AKR1C2: variants seen among roughly 807,000 people sequenced by gnomAD.
The protein encoded by AKR1C2 is aldo-keto reductase family 1 member C2.
AKR1C2 carries 27 observed loss-of-function variants against 39.8 expected under a neutral mutation model. The ratio of observed to expected loss-of-function variants is 0.68; its 90% CI spans 0.50 to 0.93. AKR1C2 has a LOEUF of 0.93. Ranked by LOEUF, AKR1C2 falls within the 40% of genes least tolerant of loss-of-function variation. The probability of loss-of-function intolerance (pLI) is 0.00; values close to 1 mark genes in which losing one functional copy is unlikely to be tolerated. For missense variants in AKR1C2, 263 were observed against 365.1 expected, an observed-to-expected ratio of 0.72 and a Z score of 2.28; for synonymous variants, 114 against 137.9, an observed-to-expected ratio of 0.83 and a Z score of 1.22.
chr10:5,002,696 C>T lies in AKR1C2; in HGVS notation c.85-1015G>A, dbSNP rs188543734. Reference sequence around the variant, plus strand: ...CAAAAACAGAAACAAAGCAAACTATCTTCCCACCTTGAAAGTATTTCAGAG... The same window carrying T: ...CAAAAACAGAAACAAAGCAAACTATTTTCCCACCTTGAAAGTATTTCAGAG... On this transcript the variant is annotated intron_variant, in intron 1 of 8. Coordinates refer to ENST00000380753, the MANE Select transcript of AKR1C2 (RefSeq NM_001393392.1). 4.0e-3 allele frequency among the ~76,000 whole-genome samples: 607 copies of T among 152,300 alleles called. 3 individuals are homozygous for T. The highest frequency in any genetic ancestry group is 6.7e-3 in the Non-Finnish European group (457 of 68,024).
chr10:4,999,780 A>G (rs1384475920), intron 3 of AKR1C2: 2 of 255,376 alleles, frequency 7.8e-6, no homozygotes, highest in Non-Finnish European at 1.3e-5. Flanking sequence ...GGTAATGAAC[A>G]TGGGCCTGAC....
chr10:5,012,665 T>C lies in AKR1C2; in HGVS notation c.-88+5235A>G, dbSNP rs370885211. On this transcript the variant is annotated intron_variant, in intron 1 of 6. Transcript: ENST00000604507. ...CCTTGTGGACACCCTGACTTTAGCC[T>C]GTTGAACGAGATTTTGGAATTCTGA... is the stretch of plus-strand genomic sequence containing the variant. Among the ~76,000 whole-genome samples, 8 of 152,286 alleles carry C rather than the reference T, an allele frequency of 5.3e-5. No individual in the cohort carries two copies. In the South Asian group the frequency reaches 1.2e-3, roughly 24 times the overall value.
chr10:5,012,794 T>C (rs1837550689), intron 1 of AKR1C2, among the ~76,000 whole-genome samples: 1 of 152,188 alleles, frequency 6.6e-6, no homozygotes, highest in South Asian at 2.1e-4. Flanking sequence ...GATTCAGCAA[T>C]TCTCATCTCT....
At chr10:5,001,859 G>T (rs72769988) in intron 1 of AKR1C2, among the ~76,000 whole-genome samples, 178 bp from the exon 2 acceptor site, 1,704 of 152,304 alleles carry the variant, frequency 0.011, 24 homozygotes, top group Non-Finnish European at 0.015. Context: ...TAAAGGTTGG[G>T]CATAGCAGGA....
intron 5 of AKR1C2, 111 bp downstream of exon 5, chr10:4,998,514 T>C (rs1837139832): frequency 2.6e-6 from 4 of 1,540,650 alleles, no homozygotes; most frequent in Non-Finnish European, 3.5e-6. Flanking sequence ...CTTTGTTCTC[T>C]AGAATCTTCT....
At chr10:4,999,847 A>G (rs1360943568) in intron 3 of AKR1C2, 2 of 841,184 alleles carry the variant, frequency 2.4e-6, no homozygotes, top group African/African-American at 3.7e-5. Flanking sequence ...ATATTTAAAA[A>G]GCCTTTTGTA....
intron 8 of AKR1C2, among the ~76,000 whole-genome samples, chr10:4,990,928 C>A (rs1197210721): frequency 2.0e-5 from 3 of 151,184 alleles, no homozygotes; most frequent in Admixed American, 1.3e-4. Context: ...CTAATAATAT[C>A]CACCAAATTT....
Position 5,001,430 on chromosome 10 carries a change from A to T in AKR1C2, c.252+84T>A, listed in dbSNP as rs1342084736. On this transcript the variant is annotated intron_variant, in intron 2 of 8. Coordinates refer to ENST00000380753, the MANE Select transcript of AKR1C2 (RefSeq NM_001393392.1). ...AAATAAATAAGCACAATTCACCCTC[A>T]ACTATGGATCCAGTCATAGAACTGC... 5.4e-5 allele frequency: 83 copies of T among 1,531,628 alleles called. 1 individual carries two copies. The highest frequency in any genetic ancestry group is 3.5e-4 in the Middle Eastern group (2 of 5,672). The allele number at this position is 1,531,628 out of a possible 1,614,324, so 94.9% of individuals were successfully genotyped here.
chr10:4,999,466 A>G lies in AKR1C2; in HGVS notation c.370-189T>C, dbSNP rs11252874. The G allele has an allele frequency of 0.08, 98,363 of 1,234,448 alleles. 3,049 individuals are homozygous for G. Among genetic ancestry groups the G allele is most frequent in the Non-Finnish European group, 0.096 (85,733 of 894,564 alleles). 76.5% of individuals were successfully genotyped at this position (1,234,448 alleles called of 1,614,324 possible). On this transcript the variant is annotated intron_variant, in intron 3 of 8. Coordinates refer to ENST00000380753, the MANE Select transcript of AKR1C2 (RefSeq NM_001393392.1). ...GTCTTCAGGTGACAGGCTTCCTCTA[A>G]TCTCTTACACCTATTATATGTATAA... is the stretch of plus-strand genomic sequence containing the variant.
chr10:5,006,785 C>CTTTTT (rs57936312), upstream of AKR1C2, among the ~76,000 whole-genome samples: 1 of 144,800 alleles, frequency 6.9e-6, no homozygotes, highest in Non-Finnish European at 1.5e-5. Flanking sequence ...ATTTCAGCCT[C>CTTTTT]TTTTTTTTTT....
chr10:5,008,650 A>T (rs1294232172), upstream of AKR1C2, among the ~76,000 whole-genome samples: 15 of 152,188 alleles, frequency 9.9e-5, no homozygotes, highest in Admixed American at 2.0e-4. Flanking sequence ...GGGAAGAGGG[A>T]GGAAAGCAGA....
In AKR1C2 at chr10:4,991,810, A is replaced by G. The variant is rs199597549; in HGVS notation, c.929+21T>C. On this transcript the variant is annotated intron_variant, in intron 8 of 8. Coordinates refer to ENST00000380753, the MANE Select transcript of AKR1C2 (RefSeq NM_001393392.1). The stretch of plus-strand genomic sequence containing the variant: ...CCTCCTCTGAAAATAAATTAGGACA[A>G]CCATCTCCAAAATTACTTACATATC... The G allele has an allele frequency of 2.8e-4, 125 of 445,010 alleles. No individual in the cohort carries two copies. The African/African-American group carries it at 3.8e-3, about 13-fold the overall frequency. The allele number at this position is 445,010 out of a possible 1,614,324, so 27.6% of individuals were successfully genotyped here.
rs1554771912 is a variant in AKR1C2, at chr10:4,989,756, A to C, written c.*240T>G. ...GTGTCAGAAGGAGAGAAAACATAGA[A>C]GTTATGGAGACCAAAGTAGGTGAAG... On this transcript the variant is annotated 3_prime_UTR_variant, in exon 9 of 9. Transcript: ENST00000380753. The C allele has an allele frequency of 1.7e-6, 1 of 578,582 alleles. No homozygotes were observed. The highest frequency in any genetic ancestry group is 3.8e-5 in the Admixed American group (1 of 26,530). 35.8% of individuals were successfully genotyped at this position (578,582 alleles called of 1,614,324 possible).
At chr10:5,010,910 T>A (rs1554774849) in intron 1 of AKR1C2, among the ~76,000 whole-genome samples, 8 of 151,878 alleles carry the variant, frequency 5.3e-5, no homozygotes, top group African/African-American at 2.4e-5. Flanking sequence ...AAATCTAAGG[T>A]AAACTTATTG....
chr10:4,998,863 C>T (rs782535848), intron 4 of AKR1C2, 116 bp from the exon 5 acceptor site: 23 of 1,489,710 alleles, frequency 1.5e-5, no homozygotes, highest in African/African-American at 2.8e-5. Context: ...ACTAGCTAGC[C>T]GTGGTTCTTA....
In AKR1C2 at chr10:4,990,034, C is replaced by T; in HGVS notation, c.934G>A (p.Ala312Thr). The change falls in exon 9 of 9, where the codon GCT (alanine) becomes ACT (threonine). Residue 312 changes from alanine (A) to threonine (T), a missense_variant. Around this residue, in one of 3 missense-constraint regions of AKR1C2, gnomAD observed 11 missense variants for 23.2 expected, o/e 0.47. Transcript: ENST00000380753. Reference sequence around the variant, plus strand: ...GAAAATGGATAATTAGGGGGGCCAGCAAAACTGGAAAGAGAAAAAAAAATG... The same window carrying T: ...GAAAATGGATAATTAGGGGGGCCAGTAAAACTGGAAAGAGAAAAAAAAATG... Reference protein sequence around the residue: ...NVRYLTLDIFAGPPNYPFSDE... With the variant: ...NVRYLTLDIFTGPPNYPFSDE... 6.3e-7 allele frequency: 1 copy of T among 1,597,484 alleles called. No homozygotes were observed. The highest frequency in any genetic ancestry group is 8.5e-7 in the Non-Finnish European group (1 of 1,175,120).
intron 1 of AKR1C2, among the ~76,000 whole-genome samples, chr10:5,015,619 G>C (rs868931720): frequency 2.0e-5 from 3 of 152,098 alleles, no homozygotes; most frequent in Admixed American, 2.0e-4. Context: ...CCAGCCCTGG[G>C]TCCCCAGACA....
At chr10:5,004,395 T>C (rs1837355803), upstream of AKR1C2, among the ~76,000 whole-genome samples, 3 of 152,198 alleles carry the variant, frequency 2.0e-5, no homozygotes, top group African/African-American at 7.2e-5. Flanking sequence ...CCTTTCTTAT[T>C]AGCCTTGTAA....
upstream of AKR1C2, among the ~76,000 whole-genome samples, chr10:5,005,426 T>C (rs1315916473): frequency 2.6e-5 from 4 of 152,102 alleles, no homozygotes; most frequent in East Asian, 1.9e-4. Context: ...TTCACACCTG[T>C]AATCCCAGCA....
Sources: allele counts gnomAD v4.1 joint callset (sites outside exome capture counted in the v4.1 genomes callset), GRCh38; gene constraint gnomAD v4.1.1; regional missense constraint gnomAD v4.1.1; transcripts MANE v1.5; gene names NCBI Gene and HGNC (gene_info 2026-07-23, HGNC 2026-07-21).